PLA2R1: variants seen among roughly 807,000 people sequenced by gnomAD.
PLA2R1 encodes secretory phospholipase A2 receptor.
Under a neutral mutation model 195.9 loss-of-function variants are expected in PLA2R1, and 158 were observed. That is an observed-to-expected ratio of 0.81 (90% CI 0.71 to 0.92). PLA2R1 has a LOEUF of 0.92. Among genes scored for constraint, PLA2R1 ranks in the 40% least tolerant of loss-of-function variants. The probability of loss-of-function intolerance (pLI) is 0.00; values close to 1 mark genes in which losing one functional copy is unlikely to be tolerated. For synonymous variants in PLA2R1, 586 were observed against 598.2 expected (o/e 0.98, Z 0.30); for missense variants, 1,626 against 1,764.6 (o/e 0.92, Z 1.41).
intron 10 of PLA2R1, among the ~76,000 whole-genome samples, 177 bp downstream of exon 10, chr2:160,013,086 A>G (rs1272702073): frequency 6.6e-6 from 1 of 152,194 alleles, no homozygotes; most frequent in Non-Finnish European, 1.5e-5. Flanking sequence ...TCAAAAATCA[A>G]TTCTGGAATA....
intron 13 of PLA2R1, among the ~76,000 whole-genome samples, chr2:159,982,738 T>G (rs1325945363): frequency 6.6e-6 from 1 of 152,198 alleles, no homozygotes; most frequent in African/African-American, 2.4e-5. Flanking sequence ...AGGAAACTTG[T>G]GGGAAAGGCC....
intron 11 of PLA2R1, among the ~76,000 whole-genome samples, chr2:159,996,765 T>C (rs1691241087): frequency 6.6e-6 from 1 of 152,124 alleles, no homozygotes; most frequent in Non-Finnish European, 1.5e-5. Context: ...GTTTGTATCA[T>C]CATATACTCA....
At chr2:159,952,121 A>G (rs1687781809) in intron 23 of PLA2R1, among the ~76,000 whole-genome samples, 1 of 152,258 alleles carries the variant, frequency 6.6e-6, no homozygotes, top group Non-Finnish European at 1.5e-5. Context: ...TAAAAAATAA[A>G]GTTAATAAAT....
intron 6 of PLA2R1, among the ~76,000 whole-genome samples, chr2:160,026,855 C>T (rs1237703628): frequency 6.6e-6 from 1 of 152,190 alleles, no homozygotes; most frequent in African/African-American, 2.4e-5. Context: ...GAATTTTAGG[C>T]TGCGCGTGGT....
rs1305956162 is a variant in PLA2R1 at position 159,951,539 on chromosome 2, G to A, written c.3341C>T (p.Pro1114Leu). Residue 1114 changes from proline (P) to leucine (L), a missense_variant, in exon 24 of 30, where the codon CCA (proline) becomes CTA (leucine). Coordinates refer to ENST00000283243, the MANE Select transcript of PLA2R1 (RefSeq NM_007366.5). Reference sequence around the variant, plus strand: ...TCCATATTCTAAGGTATTGGGCATTGGATACATATCAGATGTATTTACACC... The same window carrying A: ...TCCATATTCTAAGGTATTGGGCATTAGATACATATCAGATGTATTTACACC... ...GHGVNTSDMY[P>L]MPNTLEYGNR... 6.3e-7 allele frequency: 1 copy of A among 1,594,214 alleles called. No individual in the cohort carries two copies. Among genetic ancestry groups the A allele is most frequent in the South Asian group, 1.1e-5 (1 of 90,832 alleles).
In PLA2R1 at chr2:159,933,888, C is replaced by T. The variant is rs1407084025; in HGVS notation, c.*7890G>A. 1 of 152,178 alleles carries T rather than the reference C, an allele frequency of 6.6e-6. No individual in the cohort carries two copies. Among genetic ancestry groups the T allele is most frequent in the Non-Finnish European group, 1.5e-5 (1 of 68,028 alleles). 9.4% of individuals were successfully genotyped at this position (152,178 alleles called of 1,614,324 possible). On this transcript the variant is annotated 3_prime_UTR_variant, in exon 30 of 30. Coordinates refer to ENST00000283243, the MANE Select transcript of PLA2R1 (RefSeq NM_007366.5). ...TTTTAGGCTTTGCAGGCCATTCGGT[C>T]TCTGTTGCAACCACTCAGCTCTGTC...
Position 159,941,511 on chromosome 2 carries a change from T to C in PLA2R1, c.*267A>G, listed in dbSNP as rs973694210. ...TGATTTCAGAGTTTTCAATAGGGAG[T>C]TTCTTTTAATAGTTCTTGTCTTTCT... On this transcript the variant is annotated 3_prime_UTR_variant, in exon 30 of 30. Transcript: ENST00000283243. The C allele has an allele frequency of 3.8e-6, 1 of 263,032 alleles. No individual in the cohort carries two copies. Among genetic ancestry groups the C allele is most frequent in the Non-Finnish European group, 7.2e-6 (1 of 139,430 alleles). 16.3% of individuals were successfully genotyped at this position (263,032 alleles called of 1,614,324 possible). A position where few individuals can be genotyped will look rare whatever the true frequency, so the allele number is the denominator to read the frequency against.
rs200452998 is a variant in PLA2R1 at position 160,052,931 on chromosome 2, A to AC, written c.110-7775_110-7774insG. On this transcript the variant is annotated intron_variant, in intron 1 of 29. Coordinates refer to ENST00000283243, the MANE Select transcript of PLA2R1 (RefSeq NM_007366.5). ...GGTAGAAATGTTAAAAAACAAACAA[A>AC]AAAACAAACAAACAAACAACTTTTA... 2.1e-3 allele frequency among the ~76,000 whole-genome samples: 312 copies of AC among 151,798 alleles called. 3 individuals carry two copies. The East Asian group carries it at 0.021, about 10-fold the overall frequency.
intron 17 of PLA2R1, among the ~76,000 whole-genome samples, chr2:159,974,465 A>G (rs1689402758): frequency 6.6e-6 from 1 of 152,206 alleles, no homozygotes; most frequent in South Asian, 2.1e-4. Context: ...TGGTAAGTAT[A>G]GCCAAATATC....
At chr2:160,051,122 A>T (rs1466416880) in intron 1 of PLA2R1, among the ~76,000 whole-genome samples, 3 of 152,260 alleles carry the variant, frequency 2.0e-5, no homozygotes, top group Non-Finnish European at 4.4e-5. Context: ...CATTTTAGGC[A>T]AACAAAGGAC....
chr2:160,052,932 A>C (rs11885356), intron 1 of PLA2R1, among the ~76,000 whole-genome samples: 87,406 of 148,140 alleles, frequency 0.59, 26,107 homozygotes, highest in East Asian at 0.73. Context: ...AACAAACAAA[A>C]AAACAAACAA....
intron 11 of PLA2R1, among the ~76,000 whole-genome samples, chr2:160,000,396 A>C (rs562113764): frequency 6.6e-6 from 1 of 152,310 alleles, no homozygotes; most frequent in South Asian, 2.1e-4. Flanking sequence ...GTGTTCAAGA[A>C]AACCTCAGTC....
At chr2:159,929,852 T>TTGTGTG (rs749572220), downstream of PLA2R1, among the ~76,000 whole-genome samples, 1 of 147,660 alleles carries the variant, frequency 6.8e-6, no homozygotes, top group African/African-American at 2.5e-5. Flanking sequence ...TATTATATAT[T>TTGTGTG]TGTGTGTGTG....
At chr2:160,050,743 T>C (rs1175832743) in intron 1 of PLA2R1, among the ~76,000 whole-genome samples, 3 of 152,138 alleles carry the variant, frequency 2.0e-5, no homozygotes, top group Admixed American at 1.3e-4. Context: ...AAAGAAATTA[T>C]ACCCTAATGC....
At chr2:160,013,444 A>C in intron 9 of PLA2R1, 69 bp from the exon 10 acceptor site, 7 of 874,682 alleles carry the variant, frequency 8.0e-6, no homozygotes, top group Non-Finnish European at 1.3e-5. Flanking sequence ...ATATTTTTGC[A>C]TACTCTTTTA....
chr2:160,042,620 T>G (rs1487444645), intron 2 of PLA2R1, among the ~76,000 whole-genome samples: 1 of 152,160 alleles, frequency 6.6e-6, no homozygotes, highest in African/African-American at 2.4e-5. Context: ...GAACATTTAA[T>G]GTACTCAGTA....
intron 1 of PLA2R1, among the ~76,000 whole-genome samples, chr2:160,057,724 G>C (rs897176473): frequency 3.9e-5 from 6 of 152,080 alleles, no homozygotes; most frequent in Admixed American, 2.0e-4. Context: ...CAGCCTCTTG[G>C]GGCCAGTGTC....
At chr2:160,052,679 A>G (rs1695283503) in intron 1 of PLA2R1, among the ~76,000 whole-genome samples, 1 of 152,200 alleles carries the variant, frequency 6.6e-6, no homozygotes, top group Admixed American at 6.5e-5. Flanking sequence ...AAGACAGAAC[A>G]CTGTTAAGAT....
At position 159,941,496 on chromosome 2, in the gene PLA2R1, G is replaced by C; in HGVS notation, c.*282C>G. The C allele has an allele frequency of 4.2e-6, 1 of 236,838 alleles. No homozygotes were observed. The highest frequency in any genetic ancestry group is 9.1e-5 in the East Asian group (1 of 10,980). 14.7% of individuals were successfully genotyped at this position (236,838 alleles called of 1,614,324 possible). On this transcript the variant is annotated 3_prime_UTR_variant, in exon 30 of 30. Coordinates refer to ENST00000283243, the MANE Select transcript of PLA2R1 (RefSeq NM_007366.5). ...AACTATTATTCGCATTGATTTCAGA[G>C]TTTTCAATAGGGAGTTTCTTTTAAT... is the stretch of plus-strand genomic sequence containing the variant.
Sources: gnomAD v4.1 joint callset for allele counts (sites outside exome capture counted in the v4.1 genomes callset) on GRCh38, gnomAD v4.1.1 for gene constraint, MANE v1.5 for transcripts, NCBI Gene and HGNC (gene_info 2026-07-23, HGNC 2026-07-21) for gene names.